Variants in ANKMY1 observed in about 807,000 individuals in gnomAD.
ANKMY1 encodes the protein ankyrin repeat and MYND domain-containing protein 1.
Under a neutral mutation model 102.0 loss-of-function variants are expected in ANKMY1, and 98 were observed. The observed-to-expected ratio is 0.96, with a 90% confidence interval of 0.82 to 1.14. ANKMY1 has a LOEUF of 1.14. Among genes scored for constraint, ANKMY1 ranks in the 50% most tolerant of loss-of-function variants. The pLI, the probability that ANKMY1 is intolerant of heterozygous loss-of-function variation, is 0.00. For missense variants in ANKMY1, 1,330 were observed against 1,347.6 expected (o/e 0.99, Z 0.20); for synonymous variants, 582 against 559.9 (o/e 1.04, Z -0.56).
At position 240,499,443 on chromosome 2, in the gene ANKMY1, T is replaced by G. The variant is rs1574966111; in HGVS notation, c.2806+515A>C. 2.3e-5 allele frequency among the ~76,000 whole-genome samples: 3 copies of G among 129,810 alleles called. No homozygotes were observed. The highest frequency in any genetic ancestry group is 3.0e-5 in the African/African-American group (1 of 33,202). 85.2% of individuals were successfully genotyped at this position (129,810 alleles called of 152,430 possible). ...TGGGTGGGAGGTGGGTATGTGGGAGTGACTAGGTGGGTGGGGTTGAGTACG... is the reference window on the plus strand; with the variant it reads ...TGGGTGGGAGGTGGGTATGTGGGAGGGACTAGGTGGGTGGGGTTGAGTACG... On this transcript the variant is annotated intron_variant, in intron 15 of 17. Coordinates refer to ENST00000401804, the MANE Select transcript of ANKMY1 (RefSeq NM_001282771.3). The surrounding 1 kb of genome is among the most constrained non-coding windows in gnomAD (Gnocchi z 4.2).
intron 5 of ANKMY1, chr2:240,527,685 G>A (rs577337841): frequency 2.0e-5 from 3 of 152,546 alleles, no homozygotes; most frequent in Non-Finnish European, 2.9e-5. Context: ...TGGGTAGGTA[G>A]ATGAATGGAT....
Position 240,553,113 on chromosome 2 carries a change from G to A in ANKMY1, c.337-56C>T, listed in dbSNP as rs2091816029. 6.9e-6 allele frequency: 11 copies of A among 1,584,396 alleles called. No individual in the cohort carries two copies. The East Asian group carries it at 2.5e-4, about 36-fold the overall frequency. On this transcript the variant is annotated intron_variant, in intron 3 of 17. Coordinates refer to ENST00000401804, the MANE Select transcript of ANKMY1 (RefSeq NM_001282771.3). Reference sequence around the variant, plus strand: ...CTGCTCTTCCAGAACCTGACGGGATGCCCTTGAGGCTGAGCCACCATGCCT... The same window carrying A: ...CTGCTCTTCCAGAACCTGACGGGATACCCTTGAGGCTGAGCCACCATGCCT...
chr2:240,550,970 G>A (rs1303622544), intron 4 of ANKMY1, among the ~76,000 whole-genome samples: 1 of 152,130 alleles, frequency 6.6e-6, no homozygotes. Flanking sequence ...GGGAGTTCCT[G>A]AAAAGGACTA....
chr2:240,492,568 T>G (rs1396091006), intron 15 of ANKMY1, among the ~76,000 whole-genome samples: 2 of 152,266 alleles, frequency 1.3e-5, no homozygotes, highest in Non-Finnish European at 2.9e-5. Flanking sequence ...TTCTGTTTGG[T>G]TATTTTTTAA....
chr2:240,525,645 A>G, intron 7 of ANKMY1, 40 bp downstream of exon 7: 2 of 1,602,046 alleles, frequency 1.2e-6, no homozygotes, highest in Non-Finnish European at 1.7e-6. Flanking sequence ...AGAAGACTAC[A>G]GGAGACAGTT....
At chr2:240,555,886 T>A (rs779060555) in intron 2 of ANKMY1, among the ~76,000 whole-genome samples, 1 of 151,520 alleles carries the variant, frequency 6.6e-6, no homozygotes. Flanking sequence ...GGCATCTCAG[T>A]TCCCCCCCAG....
At chr2:240,518,957 G>T (rs916732229) in intron 9 of ANKMY1, among the ~76,000 whole-genome samples, 3 of 152,224 alleles carry the variant, frequency 2.0e-5, no homozygotes, top group African/African-American at 7.2e-5. Flanking sequence ...TGCCGCCTGA[G>T]TGACAACTGG....
At chr2:240,523,207 T>C (rs962604249) in intron 8 of ANKMY1, 1 of 152,248 alleles carries the variant, frequency 6.6e-6, no homozygotes, top group African/African-American at 2.4e-5. Flanking sequence ...TTCTGCTTTG[T>C]CAAAGGCATT....
In ANKMY1 at chr2:240,552,841, A is replaced by G. The variant is rs1364812802; in HGVS notation, c.480+73T>C. On this transcript the variant is annotated intron_variant, in intron 4 of 17. Transcript: ENST00000401804. ...ACAAATAAACTTCCCCAGGACCGAA[A>G]TATCTTTTTGTCCAGTGGCTTAGAC... is the stretch of plus-strand genomic sequence containing the variant. 13 of 1,606,910 alleles carry G rather than the reference A, an allele frequency of 8.1e-6. No individual in the cohort carries two copies. In the Admixed American group the frequency reaches 1.5e-4, roughly 19 times the overall value.
chr2:240,560,549 T>C (rs113245339), upstream of ANKMY1: 36 of 1,229,344 alleles, frequency 2.9e-5, no homozygotes, highest in African/African-American at 4.0e-4. Flanking sequence ...AGCCCCAGCC[T>C]GGTCCACCTC....
chr2:240,552,806 T>G, intron 4 of ANKMY1, 108 bp downstream of exon 4: 1 of 1,537,442 alleles, frequency 6.5e-7, no homozygotes, highest in Non-Finnish European at 8.9e-7. Context: ...AAAAAGCTAC[T>G]TGTAGCTAAA....
chr2:240,537,556 C>G (rs545904279), intron 4 of ANKMY1, among the ~76,000 whole-genome samples: 2 of 152,228 alleles, frequency 1.3e-5, no homozygotes, highest in Non-Finnish European at 2.9e-5. Context: ...TTGCCTCAGT[C>G]TCTTCCTTTA....
chr2:240,553,206 A>G (rs1453962158), intron 3 of ANKMY1, 149 bp from the exon 4 acceptor site: 1 of 951,710 alleles, frequency 1.1e-6, no homozygotes, highest in Non-Finnish European at 1.5e-6. Flanking sequence ...TGCGACTATT[A>G]GAGTCGGCAA....
intron 15 of ANKMY1, among the ~76,000 whole-genome samples, chr2:240,485,327 C>CA (rs774451503): frequency 0.13 from 15,093 of 117,430 alleles, 893 homozygotes; most frequent in African/African-American, 0.13. Context: ...GACTCCGTCT[C>CA]AAAGAAAAAA....
At chr2:240,469,585 A>T in the ANKMY1 span, among the ~76,000 whole-genome samples, 1 of 152,264 alleles carries the variant, frequency 6.6e-6, no homozygotes, top group African/African-American at 2.4e-5. Context: ...ATCTGCAGGC[A>T]GCCCCGGCAG....
intron 4 of ANKMY1, among the ~76,000 whole-genome samples, chr2:240,542,077 G>A (rs947364916): frequency 5.3e-5 from 8 of 151,906 alleles, no homozygotes; most frequent in African/African-American, 7.3e-5. Flanking sequence ...GCGTAGTGGC[G>A]TTCGCCTGTA....
upstream of ANKMY1, among the ~76,000 whole-genome samples, chr2:240,559,497 G>T (rs1234797936): frequency 6.6e-6 from 1 of 152,238 alleles, no homozygotes; most frequent in African/African-American, 2.4e-5. Context: ...GCAGTCACGG[G>T]AGTGTGGCCT....
chr2:240,559,974 G>A (rs2092804630), upstream of ANKMY1: 1 of 152,338 alleles, frequency 6.6e-6, no homozygotes, highest in African/African-American at 2.4e-5. Flanking sequence ...GCAATTTCAT[G>A]GACATTAAGT....
intron 13 of ANKMY1, among the ~76,000 whole-genome samples, chr2:240,503,405 C>G (rs1487039147): frequency 6.6e-6 from 1 of 152,222 alleles, no homozygotes; most frequent in Non-Finnish European, 1.5e-5. Flanking sequence ...TCTCCAGACA[C>G]TGCTAACCCA....
Sources: allele counts gnomAD v4.1 joint callset (sites outside exome capture counted in the v4.1 genomes callset), GRCh38; gene constraint gnomAD v4.1.1; non-coding constraint Gnocchi (gnomAD v3.1); transcripts MANE v1.5; gene names NCBI Gene and HGNC (gene_info 2026-07-23, HGNC 2026-07-21).